ANKFY1: variants seen among roughly 807,000 people sequenced by gnomAD.
The protein encoded by ANKFY1 is ankyrin repeat and FYVE domain-containing protein 1.
ANKFY1 carries 47 observed loss-of-function variants against 128.3 expected under a neutral mutation model. That is an observed-to-expected ratio of 0.37 (90% CI 0.29 to 0.47). The LOEUF (loss-of-function observed/expected upper bound fraction) is 0.47, where lower values mean the gene tolerates loss of function less well. Ranked by LOEUF, ANKFY1 falls within the 20% of genes least tolerant of loss-of-function variation. The pLI is 1.00. For missense variants in ANKFY1, 1,222 were observed against 1,510.6 expected (o/e 0.81, Z 3.17); for synonymous variants, 553 against 601.6 (o/e 0.92, Z 1.18).
chr17:4,217,081 C>A lies in ANKFY1; in HGVS notation c.360G>T (p.Trp120Cys). 6.2e-7 allele frequency: 1 copy of A among 1,613,470 alleles called. No homozygotes were observed. Among genetic ancestry groups the A allele is most frequent in the South Asian group, 1.1e-5 (1 of 91,054 alleles). Residue 120 changes from tryptophan (W) to cysteine (C), a missense_variant, in exon 4 of 25, where the codon TGG becomes TGT. Transcript: ENST00000341657. ...TGAACTCCAGCTCATCTGTATAGAT[C>A]CAGCGAAGCATTGTCATCGTCACCT... ...NPEVTMTMLR[W>C]IYTDELEFRE...
intron 10 of ANKFY1, among the ~76,000 whole-genome samples, chr17:4,190,277 C>A (rs1014774094): frequency 6.6e-6 from 1 of 152,092 alleles, no homozygotes; most frequent in Non-Finnish European, 1.5e-5. Context: ...CCTGTCTCTA[C>A]TAAAAATACA....
rs187989934 is a variant in ANKFY1 at position 4,200,537 on chromosome 17, G to A, written c.899-2960C>T. 2.0e-5 allele frequency among the ~76,000 whole-genome samples: 3 copies of A among 152,304 alleles called. No individual in the cohort carries two copies. In the East Asian group the frequency reaches 5.8e-4, roughly 29 times the overall value. On this transcript the variant is annotated intron_variant, in intron 7 of 24. Transcript: ENST00000341657. ...TCCATTTCACCAAGGTCTACAGGAT[G>A]AATTTCTTGCAAATCACATCCTTCT...
chr17:4,177,017 C>A, intron 19 of ANKFY1, 109 bp downstream of exon 19: 1 of 1,202,102 alleles, frequency 8.3e-7, no homozygotes, highest in Non-Finnish European at 1.1e-6. Context: ...CCCAAATTCC[C>A]CAGGTGCTTT....
At chr17:4,183,740 C>T (rs2059558604) in intron 13 of ANKFY1, 72 bp downstream of exon 13, 1 of 1,503,992 alleles carries the variant, frequency 6.6e-7, no homozygotes. Context: ...TTTCTCGCTC[C>T]CTCTGTCCCA....
At chr17:4,243,983 T>G (rs1328541554) in intron 1 of ANKFY1, among the ~76,000 whole-genome samples, 3 of 150,274 alleles carry the variant, frequency 2.0e-5, no homozygotes, top group African/African-American at 4.9e-5. Flanking sequence ...TGGGCTAGAG[T>G]GCAGTGGCAC....
At chr17:4,214,073 T>C (rs747517719) in intron 4 of ANKFY1, among the ~76,000 whole-genome samples, 27 of 152,144 alleles carry the variant, frequency 1.8e-4, no homozygotes, top group Non-Finnish European at 2.4e-4. Flanking sequence ...CTTCCTAACA[T>C]CCTAACACCA....
In ANKFY1 at chr17:4,167,602, G is replaced by T; in HGVS notation, c.*177C>A. On this transcript the variant is annotated 3_prime_UTR_variant, in exon 25 of 25. Coordinates refer to ENST00000341657, the MANE Select transcript of ANKFY1 (RefSeq NM_001330063.2). The surrounding 1 kb of genome is among the most constrained non-coding windows in gnomAD (Gnocchi z 4.1). ...TCGATCACAGTCTGACACACACACT[G>T]ACAATCATATGGAATCATTTGAAAT... The T allele has an allele frequency of 1.7e-6, 1 of 582,700 alleles. No individual in the cohort carries two copies. Among genetic ancestry groups the T allele is most frequent in the Non-Finnish European group, 2.8e-6 (1 of 358,868 alleles). The allele number at this position is 582,700 out of a possible 1,614,324, so 36.1% of individuals were successfully genotyped here. A position where few individuals can be genotyped will look rare whatever the true frequency, so the allele number is the denominator to read the frequency against.
Position 4,206,309 on chromosome 17 carries a change from A to T in ANKFY1, c.898+12T>A. The T allele has an allele frequency of 6.2e-7, 1 of 1,607,684 alleles. No homozygotes were observed. The highest frequency in any genetic ancestry group is 8.5e-7 in the Non-Finnish European group (1 of 1,174,738). ...AAATTGCCTGCAGGGAAACATACAC[A>T]CTTCTTCCTACCTCTTTGGATTCCT... On this transcript the variant is annotated intron_variant, in intron 7 of 24. Transcript: ENST00000341657.
intron 1 of ANKFY1, among the ~76,000 whole-genome samples, chr17:4,258,854 T>C (rs1968262420): frequency 6.6e-6 from 1 of 152,236 alleles, no homozygotes; most frequent in African/African-American, 2.4e-5. Flanking sequence ...TGGGTTGTTG[T>C]CAAAAGTATT....
Position 4,197,357 on chromosome 17 carries a change from C to CT in ANKFY1, c.1103+15dup, listed in dbSNP as rs776075109. The CT allele has an allele frequency of 1.2e-6, 2 of 1,613,532 alleles. No individual in the cohort carries two copies. The highest frequency in any genetic ancestry group is 2.7e-5 in the African/African-American group (2 of 74,924). On this transcript the variant is annotated intron_variant, in intron 8 of 24. Coordinates refer to ENST00000341657, the MANE Select transcript of ANKFY1 (RefSeq NM_001330063.2). ...GAGAACAGTGCTAAGGGCACAGTGT[C>CT]TGCTCCCCAGCTTACCTCCCCTTGC...
intron 3 of ANKFY1, among the ~76,000 whole-genome samples, chr17:4,217,966 G>A (rs886687635): frequency 6.6e-6 from 1 of 152,288 alleles, no homozygotes; most frequent in East Asian, 1.9e-4. Context: ...TTACAGGCGT[G>A]AGCCGCTTCA....
chr17:4,259,893 T>C (rs962029473), intron 1 of ANKFY1, among the ~76,000 whole-genome samples: 1 of 152,190 alleles, frequency 6.6e-6, no homozygotes, highest in Non-Finnish European at 1.5e-5. Context: ...AGATGACAAC[T>C]GAACAGACAC....
At chr17:4,183,693 A>AT in intron 13 of ANKFY1, 119 bp downstream of exon 13, 1 of 1,412,524 alleles carries the variant, frequency 7.1e-7, no homozygotes, top group Non-Finnish European at 9.7e-7. Context: ...CAGAAATGTT[A>AT]TTTTACAACC....
chr17:4,199,870 C>T (rs75850280), intron 7 of ANKFY1, among the ~76,000 whole-genome samples: 2,492 of 152,238 alleles, frequency 0.016, 63 homozygotes, highest in African/African-American at 0.057. Context: ...ATTTAAAACA[C>T]GCAAACACCA....
chr17:4,178,809 C>G lies in ANKFY1; in HGVS notation c.2598+48G>C. ...GTGACATCTGTCTAGTCTCCAGGTT[C>G]CGCGACGCCCAGGACCATGTGGAGA... On this transcript the variant is annotated intron_variant, in intron 18 of 24. Transcript: ENST00000341657. The surrounding 1 kb of genome is among the most constrained non-coding windows in gnomAD (Gnocchi z 4.1). The G allele has an allele frequency of 4.4e-6, 7 of 1,577,580 alleles. No homozygotes were observed. The highest frequency in any genetic ancestry group is 6.1e-6 in the Non-Finnish European group (7 of 1,149,534).
chr17:4,192,863 T>TAAAATTAAAAAAATA (rs1403578571), intron 10 of ANKFY1, among the ~76,000 whole-genome samples: 1 of 152,024 alleles, frequency 6.6e-6, no homozygotes, highest in Non-Finnish European at 1.5e-5. Flanking sequence ...TGACTAGCCT[T>TAAAATTAAAAAAATA]AAAATTAAAA....
chr17:4,189,731 G>C (rs1212579605), intron 10 of ANKFY1, among the ~76,000 whole-genome samples: 1 of 150,380 alleles, frequency 6.6e-6, no homozygotes, highest in Non-Finnish European at 1.5e-5. Context: ...GCCCACGCCA[G>C]ACAGTAGGTC....
intron 10 of ANKFY1, among the ~76,000 whole-genome samples, chr17:4,189,764 C>A (rs940680742): frequency 3.3e-5 from 5 of 152,038 alleles, no homozygotes; most frequent in Non-Finnish European, 7.4e-5. Flanking sequence ...TAGGTCCACG[C>A]CAGACAGTAG....
rs147099893 is a variant in ANKFY1, at chr17:4,222,872, G to C, written c.323-5754C>G. The C allele has an allele frequency of 2.9e-5, 28 of 975,802 alleles. No homozygotes were observed. In the South Asian group the frequency reaches 3.6e-4, roughly 12 times the overall value. The allele number at this position is 975,802 out of a possible 1,614,324, so 60.4% of individuals were successfully genotyped here. A position where few individuals can be genotyped will look rare whatever the true frequency, so the allele number is the denominator to read the frequency against. ...CATCCACCCAGACGACTCAGTATCC[G>C]AGAGCTGACACACCCAACAATCCAA... On this transcript the variant is annotated intron_variant, in intron 3 of 24. Coordinates refer to ENST00000341657, the MANE Select transcript of ANKFY1 (RefSeq NM_001330063.2).
Sources: allele counts gnomAD v4.1 joint callset (sites outside exome capture counted in the v4.1 genomes callset), GRCh38; gene constraint gnomAD v4.1.1; non-coding constraint Gnocchi (gnomAD v3.1); transcripts MANE v1.5; gene names NCBI Gene and HGNC (gene_info 2026-07-23, HGNC 2026-07-21).